Variants in DLG2 observed in about 807,000 individuals in gnomAD.
DLG2 encodes disks large homolog 2.
A neutral mutation model predicts 132.5 loss-of-function variants in DLG2; 45 were observed. The observed-to-expected ratio is 0.34, with a 90% CI of 0.27 to 0.44. The LOEUF (loss-of-function observed/expected upper bound fraction) is 0.44. Among genes scored for constraint, DLG2 ranks in the 20% least tolerant of loss-of-function variants. DLG2 has a pLI of 1.00. For synonymous variants in DLG2, 424 were observed against 419.6 expected, an observed-to-expected ratio of 1.01 and a Z score of -0.13; for missense variants, 1,045 against 1,196.9, an observed-to-expected ratio of 0.87 and a Z score of 1.87.
At chr11:83,997,514 C>T (rs2094106817) in intron 11 of DLG2, among the ~76,000 whole-genome samples, 1 of 151,794 alleles carries the variant, frequency 6.6e-6, no homozygotes, top group South Asian at 2.1e-4. Context: ...GTAGGCAGAT[C>T]ACTTGGGGTC....
intron 3 of DLG2, among the ~76,000 whole-genome samples, chr11:85,545,061 T>C (rs1026091063): frequency 6.6e-6 from 1 of 152,240 alleles, no homozygotes; most frequent in African/African-American, 2.4e-5. Flanking sequence ...CATCCTTGTG[T>C]TGTGCTGGTT....
At chr11:83,744,860 C>A (rs60567144) in intron 18 of DLG2, among the ~76,000 whole-genome samples, 2,112 of 152,238 alleles carry the variant, frequency 0.014, 58 homozygotes, top group African/African-American at 0.049. Flanking sequence ...GTTAGCTGCC[C>A]AGACCTGCCC....
intron 3 of DLG2, among the ~76,000 whole-genome samples, chr11:85,568,751 T>G (rs1048041736): frequency 1.3e-5 from 2 of 152,080 alleles, no homozygotes; most frequent in African/African-American, 4.8e-5. Flanking sequence ...AAGATCATTG[T>G]AAAGCTCACA....
chr11:83,736,728 A>C (rs1455401525), intron 18 of DLG2, among the ~76,000 whole-genome samples: 1 of 152,192 alleles, frequency 6.6e-6, no homozygotes, highest in African/African-American at 2.4e-5. Context: ...ATTGCCCTAA[A>C]GAATAAGAAG....
At chr11:84,936,265 T>C (rs1469881972) in intron 6 of DLG2, among the ~76,000 whole-genome samples, 2 of 152,192 alleles carry the variant, frequency 1.3e-5, no homozygotes, top group Non-Finnish European at 2.9e-5. Flanking sequence ...TTTACTATAA[T>C]GAGTTTTATG....
chr11:84,037,078 C>T (rs745701802), intron 11 of DLG2, among the ~76,000 whole-genome samples: 1 of 152,108 alleles, frequency 6.6e-6, no homozygotes, highest in African/African-American at 2.4e-5. Context: ...AGTGAATACA[C>T]TGCTTTGCTA....
intron 4 of DLG2, among the ~76,000 whole-genome samples, chr11:85,247,445 A>G (rs1337277885): frequency 6.6e-6 from 1 of 151,932 alleles, no homozygotes; most frequent in South Asian, 2.1e-4. Context: ...TGGCCATTCT[A>G]TCCAAAATTA....
intron 7 of DLG2, among the ~76,000 whole-genome samples, chr11:84,429,057 A>G (rs1159166658): frequency 1.3e-5 from 2 of 152,166 alleles, no homozygotes; most frequent in Non-Finnish European, 2.9e-5. Context: ...CCAAAGAAAA[A>G]AGGCATTTGA....
At chr11:85,096,568 C>T (rs2069821714) in intron 6 of DLG2, among the ~76,000 whole-genome samples, 3 of 152,080 alleles carry the variant, frequency 2.0e-5, no homozygotes, top group African/African-American at 7.2e-5. Flanking sequence ...GTAACACTCA[C>T]CGCAAAGGTC....
At chr11:85,377,552 T>G (rs2085500590) in intron 3 of DLG2, among the ~76,000 whole-genome samples, 2 of 152,074 alleles carry the variant, frequency 1.3e-5, no homozygotes, top group South Asian at 4.1e-4. Context: ...TTATAAAGCT[T>G]TATATATGAC....
chr11:85,065,487 T>G (rs2064770276), intron 6 of DLG2, among the ~76,000 whole-genome samples: 1 of 151,562 alleles, frequency 6.6e-6, no homozygotes, highest in African/African-American at 2.4e-5. Context: ...CACAATTAAA[T>G]AAAGGCAAAT....
rs1204195177 is a variant in DLG2 at position 84,688,296 on chromosome 11, G to A, written c.358-153565C>T. Among the ~76,000 whole-genome samples the A allele has an allele frequency of 2.0e-5, 3 of 152,072 alleles. No individual in the cohort carries two copies. In the East Asian group the frequency reaches 5.8e-4, roughly 29 times the overall value. ...TACAGCAGTGTTAGGTCTCACCACTGCCCACAACTCTTACAGCCAAAGTAT... is the reference window on the plus strand; with the variant it reads ...TACAGCAGTGTTAGGTCTCACCACTACCCACAACTCTTACAGCCAAAGTAT... On this transcript the variant is annotated intron_variant, in intron 6 of 27. Coordinates refer to ENST00000376104, the MANE Select transcript of DLG2 (RefSeq NM_001142699.3).
intron 3 of DLG2, among the ~76,000 whole-genome samples, chr11:85,446,793 A>ATGTGTGTGTGTGTGTG (rs35097336): frequency 6.9e-6 from 1 of 145,114 alleles, no homozygotes; most frequent in East Asian, 2.0e-4. Context: ...GATATAGTAT[A>ATGTGTGTGTGTGTGTG]TGTGTGTGTG....
intron 3 of DLG2, among the ~76,000 whole-genome samples, chr11:85,451,366 A>G (rs1369514849): frequency 6.6e-6 from 1 of 152,210 alleles, no homozygotes; most frequent in Non-Finnish European, 1.5e-5. Flanking sequence ...TAACTGATTT[A>G]ACTGTTTACT....
At chr11:83,720,000 G>T (rs181837840) in intron 18 of DLG2, among the ~76,000 whole-genome samples, 1 of 152,020 alleles carries the variant, frequency 6.6e-6, no homozygotes, top group Non-Finnish European at 1.5e-5. Flanking sequence ...TTAGTAAAAA[G>T]AATGACTTTC....
At position 85,406,494 on chromosome 11, in the gene DLG2, G is replaced by C. The variant is rs138477715; in HGVS notation, c.41-121129C>G. 3.9e-3 allele frequency among the ~76,000 whole-genome samples: 592 copies of C among 151,590 alleles called. 3 individuals carry two copies. The highest frequency in any genetic ancestry group is 0.014 in the African/African-American group (580 of 41,384). ...AACTGAATTCTGTTAAATCTAAGCA[G>C]CTGCTGTGGTGTGTCATCATGTTGC... On this transcript the variant is annotated intron_variant, in intron 3 of 27. Coordinates refer to ENST00000376104, the MANE Select transcript of DLG2 (RefSeq NM_001142699.3).
chr11:84,316,384 T>C lies in DLG2; in HGVS notation c.520-65093A>G, dbSNP rs2098355646. On this transcript the variant is annotated intron_variant, in intron 7 of 27. Transcript: ENST00000376104. The stretch of plus-strand genomic sequence containing the variant: ...TTATAAGAGTAAAATTAGAATAGCA[T>C]ACTTCAAATCACTGTTTTCTATAGC... Among the ~76,000 whole-genome samples, 3 of 152,204 alleles carry C rather than the reference T, an allele frequency of 2.0e-5. No individual in the cohort carries two copies. The South Asian group carries it at 6.2e-4, about 31-fold the overall frequency.
chr11:83,847,966 G>A (rs1356146743), intron 16 of DLG2, among the ~76,000 whole-genome samples: 1 of 152,136 alleles, frequency 6.6e-6, no homozygotes, highest in Non-Finnish European at 1.5e-5. Context: ...CCAGTCATAT[G>A]TGTTAGTAAG....
chr11:83,669,289 A>T (rs2076415530), intron 18 of DLG2, among the ~76,000 whole-genome samples: 1 of 152,192 alleles, frequency 6.6e-6, no homozygotes, highest in Non-Finnish European at 1.5e-5. Context: ...ATAACTTTTC[A>T]ATTCAGAAGG....
Sources: allele counts gnomAD v4.1 joint callset (sites outside exome capture counted in the v4.1 genomes callset), GRCh38; gene constraint gnomAD v4.1.1; transcripts MANE v1.5; gene names NCBI Gene and HGNC (gene_info 2026-07-23, HGNC 2026-07-21).